LRRTM4: variants seen among roughly 807,000 people sequenced by gnomAD.
LRRTM4 encodes leucine-rich repeat transmembrane neuronal protein 4.
A neutral mutation model predicts 47.6 loss-of-function variants in LRRTM4; 25 were observed. That is an observed-to-expected ratio of 0.53 (90% CI 0.38 to 0.73). The LOEUF (loss-of-function observed/expected upper bound fraction) is 0.73, where lower values mean the gene tolerates loss of function less well. Ranked by LOEUF, LRRTM4 falls within the 30% of genes least tolerant of loss-of-function variation. LRRTM4 has a pLI of 0.00. For synonymous variants in LRRTM4, 311 were observed against 269.5 expected (o/e 1.15, Z -1.51); for missense variants, 638 against 713.4 (o/e 0.89, Z 1.20).
intron 3 of LRRTM4, among the ~76,000 whole-genome samples, chr2:77,478,808 T>G (rs1256571235): frequency 1.3e-5 from 2 of 152,230 alleles, no homozygotes; most frequent in South Asian, 4.1e-4. Flanking sequence ...AGAGTTTTTG[T>G]CTTTTTAAAA....
intron 3 of LRRTM4, among the ~76,000 whole-genome samples, chr2:77,291,475 A>T (rs1478245486): frequency 6.6e-6 from 1 of 152,134 alleles, no homozygotes; most frequent in African/African-American, 2.4e-5. Context: ...TTGCATGTAC[A>T]TAGGTCTGTC....
At chr2:77,184,704 GA>G (rs1673450154) in intron 3 of LRRTM4, among the ~76,000 whole-genome samples, 1 of 151,928 alleles carries the variant, frequency 6.6e-6, no homozygotes, top group Non-Finnish European at 1.5e-5. Flanking sequence ...GCACAATTCA[GA>G]AAAACTGATA....
rs528015942 is a variant in LRRTM4 at position 76,780,554 on chromosome 2, C to T, written c.1552-31638G>A. On this transcript the variant is annotated intron_variant, in intron 3 of 3. Coordinates refer to ENST00000409884, the MANE Select transcript of LRRTM4 (RefSeq NM_001134745.3). ...CCTTTTTTCCAGTTGATCGCATCGG[C>T]TCCTGAGGCTTCTGCATTCTTCACG... 9.8e-4 allele frequency among the ~76,000 whole-genome samples: 149 copies of T among 152,244 alleles called. 2 individuals are homozygous for T. Among genetic ancestry groups the T allele is most frequent in the African/African-American group, 3.5e-3 (146 of 41,556 alleles).
At chr2:76,821,261 G>A (rs1347463412) in intron 3 of LRRTM4, among the ~76,000 whole-genome samples, 1 of 151,584 alleles carries the variant, frequency 6.6e-6, no homozygotes, top group Non-Finnish European at 1.5e-5. Context: ...TTATTTAAAT[G>A]TATCCCAAAA....
intron 3 of LRRTM4, among the ~76,000 whole-genome samples, chr2:77,089,396 TTA>T (rs1207939965): frequency 6.6e-6 from 1 of 151,336 alleles, no homozygotes; most frequent in East Asian, 2.0e-4. Flanking sequence ...CCCCAACCTC[TTA>T]TATCTCTGTG....
At chr2:77,396,508 A>G (rs750130842) in intron 3 of LRRTM4, among the ~76,000 whole-genome samples, 6 of 151,998 alleles carry the variant, frequency 3.9e-5, no homozygotes, top group Non-Finnish European at 5.9e-5. Flanking sequence ...TGACAGAAGA[A>G]AGTAAATTTG....
At chr2:77,177,978 C>G (rs555349132) in intron 3 of LRRTM4, among the ~76,000 whole-genome samples, 9 of 152,136 alleles carry the variant, frequency 5.9e-5, no homozygotes, top group Non-Finnish European at 1.2e-4. Context: ...GAGAGATATT[C>G]TTTCTATGCT....
At chr2:76,865,507 A>G (rs754743042) in intron 3 of LRRTM4, among the ~76,000 whole-genome samples, 12 of 152,230 alleles carry the variant, frequency 7.9e-5, no homozygotes, top group Non-Finnish European at 1.5e-4. Flanking sequence ...TCATCATTTT[A>G]TCAGAGAAAG....
At chr2:77,421,546 A>C (rs1476408827) in intron 3 of LRRTM4, among the ~76,000 whole-genome samples, 3 of 151,922 alleles carry the variant, frequency 2.0e-5, no homozygotes, top group African/African-American at 7.3e-5. Context: ...TCTCTACTAA[A>C]AATACAAAAA....
chr2:77,275,969 ATAACTAAT>A (rs2104084432), intron 3 of LRRTM4, among the ~76,000 whole-genome samples: 2 of 152,264 alleles, frequency 1.3e-5, no homozygotes, highest in East Asian at 3.9e-4. Flanking sequence ...GCTTCAGGAA[ATAACTAAT>A]TTTCAAAAAA....
At chr2:77,491,337 A>G (rs556325733) in intron 3 of LRRTM4, among the ~76,000 whole-genome samples, 1 of 151,872 alleles carries the variant, frequency 6.6e-6, no homozygotes, top group East Asian at 1.9e-4. Flanking sequence ...GATGGTAGTG[A>G]AAAAGAGATA....
chr2:77,449,893 A>C (rs969413458), intron 3 of LRRTM4, among the ~76,000 whole-genome samples: 4 of 152,150 alleles, frequency 2.6e-5, no homozygotes, highest in African/African-American at 9.7e-5. Context: ...CTCCTACCTA[A>C]ACCAGCCAGA....
At chr2:76,856,656 C>T (rs1672160649) in intron 3 of LRRTM4, among the ~76,000 whole-genome samples, 1 of 151,928 alleles carries the variant, frequency 6.6e-6, no homozygotes, top group Admixed American at 6.6e-5. Flanking sequence ...TAAATTACTG[C>T]TTATTTATCA....
intron 3 of LRRTM4, among the ~76,000 whole-genome samples, chr2:77,401,089 G>A (rs1043969796): frequency 3.0e-4 from 45 of 151,864 alleles, no homozygotes; most frequent in African/African-American, 1.1e-3. Context: ...TTACTATGTG[G>A]ATATTTATAG....
intron 3 of LRRTM4, among the ~76,000 whole-genome samples, chr2:76,824,877 T>A (rs992616171): frequency 1.3e-5 from 2 of 151,576 alleles, no homozygotes; most frequent in Non-Finnish European, 3.0e-5. Flanking sequence ...AGAGAAGCAA[T>A]GGGAACAAAA....
At chr2:77,141,119 T>G (rs186844445) in intron 3 of LRRTM4, among the ~76,000 whole-genome samples, 2,298 of 152,292 alleles carry the variant, frequency 0.015, 61 homozygotes, top group African/African-American at 0.053. Flanking sequence ...ATCCCATTAC[T>G]GGGTATATAC....
At chr2:76,866,662 G>C (rs1200448609) in intron 3 of LRRTM4, among the ~76,000 whole-genome samples, 1 of 152,088 alleles carries the variant, frequency 6.6e-6, no homozygotes, top group East Asian at 1.9e-4. Context: ...CAGCAAACAA[G>C]TGAGAATGAT....
intron 3 of LRRTM4, among the ~76,000 whole-genome samples, chr2:77,037,205 G>A (rs1424659915): frequency 1.3e-5 from 2 of 151,740 alleles, no homozygotes; most frequent in African/African-American, 4.8e-5. Flanking sequence ...TATACAGAGA[G>A]AGAATATGGG....
rs573317031 is a variant in LRRTM4, at chr2:76,798,744, T to A, written c.1552-49828A>T. ...AGAAAAGAGAGAAGAATCAAATAGA[T>A]GCAATAAAAAATGATAAAGGGGATA... On this transcript the variant is annotated intron_variant, in intron 3 of 3. Coordinates refer to ENST00000409884, the MANE Select transcript of LRRTM4 (RefSeq NM_001134745.3). 1.5e-4 allele frequency among the ~76,000 whole-genome samples: 22 copies of A among 150,476 alleles called. No individual in the cohort carries two copies. In the East Asian group the frequency reaches 4.3e-3, roughly 29 times the overall value.
Sources: gnomAD v4.1 joint callset for allele counts (sites outside exome capture counted in the v4.1 genomes callset) on GRCh38, gnomAD v4.1.1 for gene constraint, MANE v1.5 for transcripts, NCBI Gene and HGNC (gene_info 2026-07-23, HGNC 2026-07-21) for gene names.